COL5A2: variants seen among roughly 807,000 people sequenced by gnomAD.
The protein encoded by COL5A2 is collagen alpha-2(V) chain.
Under a neutral mutation model 208.2 loss-of-function variants are expected in COL5A2, and 23 were observed. The ratio of observed to expected loss-of-function variants is 0.11; its 90% CI spans 0.08 to 0.16. The LOEUF (loss-of-function observed/expected upper bound fraction) is 0.16. COL5A2 is among the 10% of genes least tolerant of loss of function. COL5A2 has a pLI of 1.00. For synonymous variants in COL5A2, 625 were observed against 628.5 expected (o/e 0.99, Z 0.08); for missense variants, 1,590 against 1,956.4 (o/e 0.81, Z 3.53).
At chr2:189,406,727 C>CA in the COL5A2 span, among the ~76,000 whole-genome samples, 1 of 152,064 alleles carries the variant, frequency 6.6e-6, no homozygotes, top group South Asian at 2.1e-4. Flanking sequence ...TATTCAAATA[C>CA]AAAATGCCAA....
chr2:189,320,923 C>T, the COL5A2 span, among the ~76,000 whole-genome samples: 1 of 152,176 alleles, frequency 6.6e-6, no homozygotes, highest in East Asian at 1.9e-4. Context: ...AGAGAAAGGT[C>T]GGGTTACCCA....
the COL5A2 span, among the ~76,000 whole-genome samples, chr2:189,288,069 GA>G: frequency 6.6e-6 from 1 of 151,972 alleles, no homozygotes; most frequent in Non-Finnish European, 1.5e-5. Context: ...AAAAAGATCA[GA>G]AAAGAAAGTA....
At chr2:189,271,514 A>T in the COL5A2 span, among the ~76,000 whole-genome samples, 1 of 152,050 alleles carries the variant, frequency 6.6e-6, no homozygotes, top group African/African-American at 2.4e-5. Flanking sequence ...AACTCAAGAT[A>T]GATTAAAGAC....
At chr2:189,235,989 G>T in the COL5A2 span, among the ~76,000 whole-genome samples, 1 of 150,144 alleles carries the variant, frequency 6.7e-6, no homozygotes, top group Non-Finnish European at 1.5e-5. Flanking sequence ...CTGCATATTT[G>T]TCCATCCCCC....
chr2:189,086,230 G>A (rs899496929), intron 9 of COL5A2, among the ~76,000 whole-genome samples: 1 of 152,052 alleles, frequency 6.6e-6, no homozygotes, highest in Non-Finnish European at 1.5e-5. Context: ...CTGTTAAATT[G>A]CTATAATAAA....
intron 1 of COL5A2, among the ~76,000 whole-genome samples, chr2:189,117,062 T>C (rs1358042619): frequency 2.0e-5 from 3 of 151,974 alleles, no homozygotes; most frequent in Admixed American, 1.3e-4. Flanking sequence ...CTGCTGTTTT[T>C]ACTTTACTTA....
At chr2:189,215,204 C>T (rs1689264543) in intron 1 of COL5A2, among the ~76,000 whole-genome samples, 1 of 152,086 alleles carries the variant, frequency 6.6e-6, no homozygotes, top group Admixed American at 6.6e-5. Context: ...ATCTAATCAT[C>T]CCTGTTTACC....
At chr2:189,225,261 T>C (rs1306104967) in exon 1 of COL5A2, among the ~76,000 whole-genome samples, 1 of 152,190 alleles carries the variant, frequency 6.6e-6, no homozygotes, top group Non-Finnish European at 1.5e-5. Context: ...ATAAGGCTGC[T>C]ATTGGGTATA....
chr2:189,276,623 A>G, the COL5A2 span, among the ~76,000 whole-genome samples: 21 of 152,322 alleles, frequency 1.4e-4, no homozygotes, highest in East Asian at 3.5e-3. Flanking sequence ...GTCACATTAC[A>G]TAAGTTTGAC....
intron 1 of COL5A2, among the ~76,000 whole-genome samples, chr2:189,145,965 A>C (rs1490377971): frequency 2.0e-5 from 3 of 152,108 alleles, no homozygotes. Flanking sequence ...CATAAAGAGC[A>C]AGACAGTAGA....
intron 15 of COL5A2, 107 bp downstream of exon 15, chr2:189,078,956 T>G: frequency 2.2e-6 from 2 of 897,324 alleles, no homozygotes; most frequent in Non-Finnish European, 3.6e-6. Flanking sequence ...AGCCAACATA[T>G]GTTGTCCATT....
At position 189,068,064 on chromosome 2, in the gene COL5A2, G is replaced by A. The variant is rs778385867; in HGVS notation, c.1352C>T (p.Ser451Phe). 1.1e-5 allele frequency: 18 copies of A among 1,613,918 alleles called. No homozygotes were observed. The highest frequency in any genetic ancestry group is 1.3e-5 in the African/African-American group (1 of 74,912). ...GPPGSAGPPG[S>F]PGPQGSTGPQ... The stretch of plus-strand genomic sequence containing the variant: ...ACCAGTGCTACCCTGAGGTCCTGGA[G>A]ATCCAGGAGGCCCTGCTGAGCCAGG... The change falls in exon 21 of 54, where the codon TCT becomes TTT. Residue 451 changes from serine (S) to phenylalanine (F), a missense_variant. Physicochemically the swap from Ser to Phe is radical, Grantham distance 155. Transcript: ENST00000374866.
At chr2:189,248,675 T>G in the COL5A2 span, among the ~76,000 whole-genome samples, 1 of 152,284 alleles carries the variant, frequency 6.6e-6, no homozygotes, top group South Asian at 2.1e-4. Context: ...CCTGGTGATT[T>G]TATCCTTTTT....
the COL5A2 span, among the ~76,000 whole-genome samples, chr2:189,247,861 T>G: frequency 6.6e-6 from 1 of 152,242 alleles, no homozygotes; most frequent in African/African-American, 2.4e-5. Flanking sequence ...ATTACAGGCA[T>G]GGGCCACTGC....
In COL5A2 at chr2:189,093,296, A is replaced by G. The variant is rs968770709; in HGVS notation, c.457-876T>C. On this transcript the variant is annotated intron_variant, in intron 6 of 53. Coordinates refer to ENST00000374866, the MANE Select transcript of COL5A2 (RefSeq NM_000393.5). ...GAATCTTGAAAGGCTTCAAAAAGAA[A>G]GGACCAAAAAGTCATCAGGCAATAT... 2.0e-5 allele frequency among the ~76,000 whole-genome samples: 3 copies of G among 152,238 alleles called. No homozygotes were observed. In the East Asian group the frequency reaches 5.8e-4, roughly 29 times the overall value.
rs955777665 is a variant in COL5A2, at chr2:189,097,559, T to C, written c.403-229A>G. On this transcript the variant is annotated intron_variant, in intron 5 of 53. Transcript: ENST00000374866. ...GACCTATGAAGAACTAGGTGCACAT[T>C]ATGGCATCATGGAGCATAGTGAGCT... is the stretch of plus-strand genomic sequence containing the variant. 7.4e-6 allele frequency: 5 copies of C among 674,100 alleles called. No homozygotes were observed. The African/African-American group carries it at 8.8e-5, about 12-fold the overall frequency. 41.8% of individuals were successfully genotyped at this position (674,100 alleles called of 1,614,324 possible).
At chr2:189,410,736 A>G in the COL5A2 span, among the ~76,000 whole-genome samples, 1 of 152,176 alleles carries the variant, frequency 6.6e-6, no homozygotes, top group Non-Finnish European at 1.5e-5. Flanking sequence ...TTACATAACA[A>G]AACAAAAATT....
At chr2:189,079,212 G>T in intron 14 of COL5A2, 105 bp from the exon 15 acceptor site, 4 of 892,260 alleles carry the variant, frequency 4.5e-6, no homozygotes, top group Non-Finnish European at 7.4e-6. Context: ...GAGGACATAT[G>T]AAAGATGTAC....
At chr2:189,092,014 A>AG (rs1686797621) in intron 7 of COL5A2, among the ~76,000 whole-genome samples, 1 of 152,140 alleles carries the variant, frequency 6.6e-6, no homozygotes, top group African/African-American at 2.4e-5. Flanking sequence ...TCATTTAAAG[A>AG]GGGGGAAAGC....
Sources: allele counts gnomAD v4.1 joint callset (sites outside exome capture counted in the v4.1 genomes callset), GRCh38; gene constraint gnomAD v4.1.1; transcripts MANE v1.5; gene names NCBI Gene and HGNC (gene_info 2026-07-23, HGNC 2026-07-21).